COL25A1: variants seen among roughly 807,000 people sequenced by gnomAD.
COL25A1 encodes the protein collagen type XXV alpha 1 chain, also known as collagen alpha-1(XXV) chain.
COL25A1 carries 103 observed loss-of-function variants against 128.4 expected under a neutral mutation model. The observed-to-expected ratio is 0.80, with a 90% CI of 0.68 to 0.94. The LOEUF is 0.94. COL25A1 is among the 40% of genes least tolerant of loss of function. The probability of loss-of-function intolerance (pLI) is 0.00; values close to 1 mark genes in which losing one functional copy is unlikely to be tolerated. For synonymous variants in COL25A1, 279 were observed against 277.2 expected (o/e 1.01, Z -0.06); for missense variants, 745 against 840.0 (o/e 0.89, Z 1.40).
chr4:108,883,664 A>T (rs1417099464), intron 19 of COL25A1, among the ~76,000 whole-genome samples: 1 of 152,162 alleles, frequency 6.6e-6, no homozygotes, highest in Non-Finnish European at 1.5e-5. Flanking sequence ...GTTTATGGGG[A>T]CAGTGTATGT....
chr4:108,862,807 T>C (rs1047518136), intron 21 of COL25A1, among the ~76,000 whole-genome samples: 1 of 152,190 alleles, frequency 6.6e-6, no homozygotes, highest in African/African-American at 2.4e-5. Context: ...ATAATTCTCA[T>C]TAGTCTCAAC....
chr4:108,968,430 G>T (rs1751558688), intron 8 of COL25A1, among the ~76,000 whole-genome samples: 1 of 151,458 alleles, frequency 6.6e-6, no homozygotes, highest in African/African-American at 2.4e-5. Flanking sequence ...GCTTTTGAAA[G>T]ACCTCATCCC....
intron 5 of COL25A1, among the ~76,000 whole-genome samples, chr4:109,034,641 T>C (rs1216732078): frequency 2.6e-5 from 4 of 152,192 alleles, no homozygotes; most frequent in African/African-American, 9.6e-5. Flanking sequence ...ATTTAGTGTT[T>C]TATGCACTCT....
At chr4:108,871,944 G>A (rs13123688) in intron 19 of COL25A1, among the ~76,000 whole-genome samples, 82,845 of 151,940 alleles carry the variant, frequency 0.55, 23,856 homozygotes, top group East Asian at 1. Context: ...TGTTCAGCTA[G>A]TTGGGCTATT....
chr4:109,256,105 T>G (rs757386858), intron 3 of COL25A1, among the ~76,000 whole-genome samples: 2 of 151,070 alleles, frequency 1.3e-5, no homozygotes, highest in Non-Finnish European at 2.9e-5. Flanking sequence ...TGTGTGTGTG[T>G]GTGTGTGTGT....
chr4:108,824,070 G>C, intron 35 of COL25A1, 104 bp downstream of exon 35: 2 of 1,613,388 alleles, frequency 1.2e-6, no homozygotes, highest in Non-Finnish European at 1.7e-6. Flanking sequence ...TTGGAGCACA[G>C]GATGGAGAAA....
In COL25A1 at chr4:108,859,653, T is replaced by C. The variant is rs1736928333; in HGVS notation, c.1320+3A>G. On this transcript the variant is annotated splice_donor_region_variant and intron_variant, in intron 24 of 37. Transcript: ENST00000399132. Reference sequence around the variant, plus strand: ...TGTGTCAGGGCAGGGACCAGTCACTTGCCTGTAAGGCTTCGTGGAGGTTGC... The same window carrying C: ...TGTGTCAGGGCAGGGACCAGTCACTCGCCTGTAAGGCTTCGTGGAGGTTGC... 6.2e-7 allele frequency: 1 copy of C among 1,613,288 alleles called. No individual in the cohort carries two copies. Among genetic ancestry groups the C allele is most frequent in the African/African-American group, 1.3e-5 (1 of 75,016 alleles).
At chr4:108,924,318 A>G (rs1267460307) in intron 11 of COL25A1, among the ~76,000 whole-genome samples, 1 of 152,204 alleles carries the variant, frequency 6.6e-6, no homozygotes, top group Non-Finnish European at 1.5e-5. Context: ...TCAGATAAAA[A>G]CTGGTGAACA....
intron 3 of COL25A1, among the ~76,000 whole-genome samples, chr4:109,205,936 G>C (rs190152584): frequency 3.9e-5 from 6 of 152,196 alleles, no homozygotes; most frequent in Admixed American, 2.6e-4. Context: ...GTTCACGTCA[G>C]GCTGCTTTCT....
At chr4:109,023,021 G>A (rs1357662870) in intron 5 of COL25A1, among the ~76,000 whole-genome samples, 4 of 152,146 alleles carry the variant, frequency 2.6e-5, no homozygotes, top group African/African-American at 9.7e-5. Context: ...GAAAAAGCCT[G>A]GATATCAGCA....
chr4:109,125,449 C>T (rs1223930050), intron 3 of COL25A1, among the ~76,000 whole-genome samples: 3 of 152,252 alleles, frequency 2.0e-5, no homozygotes, highest in East Asian at 1.9e-4. Context: ...TATTTTCATG[C>T]TCACACTGAA....
chr4:109,269,622 A>T (rs1195104306), intron 3 of COL25A1, among the ~76,000 whole-genome samples: 2 of 151,000 alleles, frequency 1.3e-5, no homozygotes, highest in Non-Finnish European at 2.9e-5. Flanking sequence ...AATGATTGCC[A>T]TTCTAACTGG....
At chr4:109,065,243 G>T (rs1762318040) in intron 3 of COL25A1, among the ~76,000 whole-genome samples, 1 of 152,176 alleles carries the variant, frequency 6.6e-6, no homozygotes, top group Admixed American at 6.5e-5. Context: ...AAGCACAGTT[G>T]TTTGATCTGG....
intron 20 of COL25A1, among the ~76,000 whole-genome samples, chr4:108,868,385 C>A (rs1169712427): frequency 6.6e-6 from 1 of 151,398 alleles, no homozygotes; most frequent in Non-Finnish European, 1.5e-5. Context: ...CTCTATTAGG[C>A]AAAAATATAT....
intron 3 of COL25A1, among the ~76,000 whole-genome samples, chr4:109,293,132 A>G (rs1243357695): frequency 1.3e-5 from 2 of 152,084 alleles, no homozygotes; most frequent in African/African-American, 4.8e-5. Context: ...GACCTAAGAC[A>G]TCAGAATGCT....
At chr4:108,960,977 C>A (rs1750616111) in intron 8 of COL25A1, among the ~76,000 whole-genome samples, 3 of 152,044 alleles carry the variant, frequency 2.0e-5, no homozygotes, top group Admixed American at 1.3e-4. Flanking sequence ...TCTCTTTAAT[C>A]CTGAAATGCT....
At chr4:109,017,109 C>T (rs1757293186) in intron 5 of COL25A1, among the ~76,000 whole-genome samples, 1 of 152,218 alleles carries the variant, frequency 6.6e-6, no homozygotes, top group African/African-American at 2.4e-5. Flanking sequence ...CCACCACATT[C>T]CCCTTGTCCA....
chr4:109,227,684 T>C (rs534186198), intron 3 of COL25A1, among the ~76,000 whole-genome samples: 1 of 152,234 alleles, frequency 6.6e-6, no homozygotes, highest in East Asian at 1.9e-4. Context: ...ATTTTACAGA[T>C]CTCTTCCACT....
intron 5 of COL25A1, among the ~76,000 whole-genome samples, chr4:109,046,058 G>A (rs1182593195): frequency 6.6e-6 from 1 of 152,112 alleles, no homozygotes; most frequent in African/African-American, 2.4e-5. Context: ...AAACTGAATC[G>A]ATTTGAAATC....
Sources: allele counts gnomAD v4.1 joint callset (sites outside exome capture counted in the v4.1 genomes callset), GRCh38; gene constraint gnomAD v4.1.1; transcripts MANE v1.5; gene names NCBI Gene and HGNC (gene_info 2026-07-23, HGNC 2026-07-21).